The following HMGN1 variants were observed in gnomAD, a reference collection of about 807,000 sequenced individuals.
HMGN1 encodes high mobility group nucleosome binding domain 1.
Under a neutral mutation model 18.4 loss-of-function variants are expected in HMGN1, and 9 were observed. That is an observed-to-expected ratio of 0.49 (90% CI 0.29 to 0.85). The LOEUF (loss-of-function observed/expected upper bound fraction) is 0.85, where lower values mean the gene tolerates loss of function less well. Among genes scored for constraint, HMGN1 ranks in the 40% least tolerant of loss-of-function variants. The probability of loss-of-function intolerance (pLI) is 0.07; values close to 1 mark genes in which losing one functional copy is unlikely to be tolerated. For missense variants in HMGN1, 151 were observed against 119.2 expected (o/e 1.27, Z -1.24); for synonymous variants, 59 against 45.0 (o/e 1.31, Z -1.24).
rs2037006827 is a variant in HMGN1, at chr21:39,345,203, A to T, written c.198T>A (p.Ala66=). 6.2e-7 allele frequency: 1 copy of T among 1,613,316 alleles called. No homozygotes were observed. The highest frequency in any genetic ancestry group is 1.3e-5 in the African/African-American group (1 of 74,806). The change falls in exon 5 of 6, where the codon GCT becomes GCA. Residue 66 remains alanine, a synonymous_variant. Transcript: ENST00000380749. The part of the protein sequence containing the change: ...RGAKGKQAEV[A]NQETKEDLPA... ...GTAAGTCTTCTTTAGTTTCTTGGTT[A>T]GCCACTTCGGCCTGTTTTCCCTTTG...
intron 5 of HMGN1, 94 bp downstream of exon 5, chr21:39,345,049 ATAC>A (rs1458706547): frequency 6.6e-6 from 9 of 1,370,280 alleles, no homozygotes; most frequent in African/African-American, 2.9e-5. Flanking sequence ...ATTATAATGA[ATAC>A]TGTTATCTGC....
rs769658722 is a variant in HMGN1, at chr21:39,343,090, G to A, written c.*22C>T. The A allele has an allele frequency of 2.9e-6, 4 of 1,398,152 alleles. No homozygotes were observed. Among genetic ancestry groups the A allele is most frequent in the Non-Finnish European group, 4.0e-6 (4 of 992,172 alleles). 86.6% of individuals were successfully genotyped at this position (1,398,152 alleles called of 1,614,324 possible). On this transcript the variant is annotated 3_prime_UTR_variant, in exon 6 of 6. Coordinates refer to ENST00000380749, the MANE Select transcript of HMGN1 (RefSeq NM_004965.7). ...TACAAGAAGGGAGACAGGGACCACT[G>A]ATAAGACATGGTATATGGTTATTAA...
chr21:39,345,268 A>T lies in HMGN1; in HGVS notation c.133T>A (p.Ser45Thr), dbSNP rs1172568235. The stretch of plus-strand genomic sequence containing the variant: ...TTTGTTTGCACTTTTTTGTCTGAAG[A>T]TTTATCCTATGATAGAATAAGAATA... Reference protein sequence around the residue: ...KPKKAAAKDKSSDKKVQTKGK... With the variant: ...KPKKAAAKDKTSDKKVQTKGK... Residue 45 changes from serine to threonine, a missense_variant, in exon 5 of 6, where the codon TCT becomes ACT. By Grantham distance (58) the Ser-to-Thr change is moderately conservative (BLOSUM62 1). Transcript: ENST00000380749. The T allele has an allele frequency of 6.2e-7, 1 of 1,612,006 alleles. No homozygotes were observed. Among genetic ancestry groups the T allele is most frequent in the Non-Finnish European group, 8.5e-7 (1 of 1,178,418 alleles).
At chr21:39,348,741 CGCCCCCGCGGCCGCCGAGCGCTCGCCT>C (rs2037160592) in intron 1 of HMGN1, 135 bp downstream of exon 1, 2 of 1,092,676 alleles carry the variant, frequency 1.8e-6, no homozygotes, top group African/African-American at 1.7e-5. Flanking sequence ...CCAGAACGCC[CGCCCCCGCGGCCGCCGAGCGCTCGCCT>C]GCCCGCCCGC....
chr21:39,342,651 C>T lies in HMGN1; in HGVS notation c.*461G>A, dbSNP rs1569001469. 1 of 327,278 alleles carries T rather than the reference C, an allele frequency of 3.1e-6. No homozygotes were observed. The highest frequency in any genetic ancestry group is 7.8e-5 in the East Asian group (1 of 12,822). 20.3% of individuals were successfully genotyped at this position (327,278 alleles called of 1,614,324 possible). A position where few individuals can be genotyped will look rare whatever the true frequency, so the allele number is the denominator to read the frequency against. ...CCACAAAGATGTTACAGAGTGCACA[C>T]AATTCTGGCAGAGAGAGCCATGATC... is the stretch of plus-strand genomic sequence containing the variant. On this transcript the variant is annotated 3_prime_UTR_variant, in exon 6 of 6. Coordinates refer to ENST00000380749, the MANE Select transcript of HMGN1 (RefSeq NM_004965.7).
rs1569008143 is a variant in HMGN1, at chr21:39,347,057, A to AC, written c.126+1234_126+1235insG. The stretch of plus-strand genomic sequence containing the variant: ...CAGATATTTCAGCCAATTAGTTTAA[A>AC]ACACACACACACACACACACACAAT... On this transcript the variant is annotated intron_variant, in intron 4 of 5. Coordinates refer to ENST00000380749, the MANE Select transcript of HMGN1 (RefSeq NM_004965.7). The AC allele has an allele frequency of 5.5e-3, 827 of 149,170 alleles. 9 individuals carry two copies. The highest frequency in any genetic ancestry group is 7.8e-3 in the Non-Finnish European group (520 of 66,884). 9.2% of individuals were successfully genotyped at this position (149,170 alleles called of 1,614,324 possible).
chr21:39,347,525 G>T, intron 4 of HMGN1: 1 of 788,652 alleles, frequency 1.3e-6, no homozygotes, highest in Non-Finnish European at 1.9e-6. Context: ...AATTTTTTTT[G>T]AGACTTCAAA....
Position 39,348,275 on chromosome 21 carries a change from C to A in HMGN1, c.126+17G>T. The A allele has an allele frequency of 1.2e-6, 2 of 1,613,904 alleles. No individual in the cohort carries two copies. The highest frequency in any genetic ancestry group is 1.7e-6 in the Non-Finnish European group (2 of 1,179,890). ...CCTAAGGCCCCGCTGCATCCCAATG[C>A]GCGTTTCGAGGCTTACCTTCGCTGC... On this transcript the variant is annotated intron_variant, in intron 4 of 5. Coordinates refer to ENST00000380749, the MANE Select transcript of HMGN1 (RefSeq NM_004965.7).
At chr21:39,346,596 TATA>T (rs1220279994) in intron 4 of HMGN1, 1 of 152,602 alleles carries the variant, frequency 6.6e-6, no homozygotes, top group Non-Finnish European at 1.5e-5. Flanking sequence ...TTTCCCAAAG[TATA>T]ATGTTTGGAC....
chr21:39,344,296 G>A (rs1409897552), intron 5 of HMGN1, among the ~76,000 whole-genome samples: 3 of 142,844 alleles, frequency 2.1e-5, no homozygotes, highest in South Asian at 2.2e-4. Context: ...AGTACAAGAA[G>A]TACAAGTTAA....
At chr21:39,345,891 T>C (rs1157933610) in intron 4 of HMGN1, 9 of 1,302,792 alleles carry the variant, frequency 6.9e-6, no homozygotes, top group Admixed American at 2.3e-5. Flanking sequence ...AATCCCTTCA[T>C]ATCATATAAT....
intron 5 of HMGN1, among the ~76,000 whole-genome samples, chr21:39,343,783 CT>C (rs1370502712): frequency 2.6e-5 from 4 of 152,166 alleles, no homozygotes; most frequent in African/African-American, 7.2e-5. Context: ...TGTACTTCCC[CT>C]ATGTGAAAAC....
chr21:39,348,827 G>T, intron 1 of HMGN1, 76 bp downstream of exon 1: 1 of 1,028,162 alleles, frequency 9.7e-7, no homozygotes, highest in Non-Finnish European at 1.2e-6. Context: ...GTGCAACGGG[G>T]CCTGGGCCTC....
intron 4 of HMGN1, chr21:39,346,140 G>T: frequency 2.6e-6 from 1 of 378,036 alleles, no homozygotes; most frequent in Non-Finnish European, 5.0e-6. Flanking sequence ...AGCCCCCAGC[G>T]GGTGGTATAA....
intron 4 of HMGN1, chr21:39,347,736 A>G (rs766677281): frequency 3.4e-5 from 9 of 263,850 alleles, no homozygotes; most frequent in Non-Finnish European, 6.7e-5. Flanking sequence ...CGAATCATGC[A>G]ATCACGAATT....
intron 1 of HMGN1, 51 bp from the exon 2 acceptor site, chr21:39,348,628 G>A (rs748112015): frequency 2.6e-6 from 4 of 1,519,810 alleles, no homozygotes; most frequent in Non-Finnish European, 2.6e-6. Context: ...CCCAGGACTC[G>A]CGGGCCCGCC....
At chr21:39,345,607 G>A in intron 4 of HMGN1, 1 of 399,418 alleles carries the variant, frequency 2.5e-6, no homozygotes, top group South Asian at 2.1e-5. Context: ...GTACTTGCAT[G>A]TCAAGCCTCA....
At chr21:39,343,319 A>G (rs923004051) in intron 5 of HMGN1, among the ~76,000 whole-genome samples, 160 bp from the exon 6 acceptor site, 1 of 152,196 alleles carries the variant, frequency 6.6e-6, no homozygotes, top group Non-Finnish European at 1.5e-5. Flanking sequence ...CCTCACCCCA[A>G]ATCAATACTT....
At chr21:39,347,094 G>A in intron 4 of HMGN1, 1 of 155,530 alleles carries the variant, frequency 6.4e-6, no homozygotes, top group South Asian at 1.7e-4. Context: ...AAAAAAGATA[G>A]GTAATAATAT....
Sources: gnomAD v4.1 joint callset for allele counts (sites outside exome capture counted in the v4.1 genomes callset) on GRCh38, gnomAD v4.1.1 for gene constraint, MANE v1.5 for transcripts, NCBI Gene and HGNC (gene_info 2026-07-23, HGNC 2026-07-21) for gene names.